Variants in EPHA6 observed in about 807,000 individuals in gnomAD.
The protein encoded by EPHA6 is ephrin type-A receptor 6.
In EPHA6, 50 loss-of-function variants were observed where a neutral mutation model predicts 112.0. The observed-to-expected ratio is 0.45, with a 90% CI of 0.36 to 0.56. The LOEUF is 0.56. Among genes scored for constraint, EPHA6 ranks in the 20% least tolerant of loss-of-function variants. EPHA6 has a pLI of 0.00. For missense variants in EPHA6, 1,280 were observed against 1,417.4 expected, an observed-to-expected ratio of 0.90 and a Z score of 1.56; for synonymous variants, 529 against 490.7, an observed-to-expected ratio of 1.08 and a Z score of -1.03.
chr3:97,386,633 G>A (rs2109041765), intron 5 of EPHA6, among the ~76,000 whole-genome samples: 1 of 152,256 alleles, frequency 6.6e-6, no homozygotes, highest in African/African-American at 2.4e-5. Context: ...AGCTTTTCCA[G>A]GCACACAGTA....
At chr3:96,912,186 A>G (rs1488756853) in intron 2 of EPHA6, among the ~76,000 whole-genome samples, 1 of 152,138 alleles carries the variant, frequency 6.6e-6, no homozygotes, top group Non-Finnish European at 1.5e-5. Context: ...TTATTTATTG[A>G]CCAATTGAAT....
chr3:97,600,079 G>A (rs1234459464), intron 12 of EPHA6, among the ~76,000 whole-genome samples: 21 of 149,590 alleles, frequency 1.4e-4, no homozygotes, highest in African/African-American at 5.1e-4. Flanking sequence ...TCTGTTGTTG[G>A]TGTATAAGAA....
chr3:96,909,670 A>C (rs1335938500), intron 2 of EPHA6, among the ~76,000 whole-genome samples: 1 of 152,044 alleles, frequency 6.6e-6, no homozygotes, highest in Non-Finnish European at 1.5e-5. Flanking sequence ...GATATTCAAA[A>C]TAGTACATCT....
At chr3:97,298,410 A>G (rs1398299269) in intron 5 of EPHA6, among the ~76,000 whole-genome samples, 1 of 152,220 alleles carries the variant, frequency 6.6e-6, no homozygotes, top group Admixed American at 6.5e-5. Context: ...AAGGAATCAT[A>G]GCATTTCGTT....
At chr3:97,181,196 C>A (rs1018365755) in intron 3 of EPHA6, among the ~76,000 whole-genome samples, 1 of 152,072 alleles carries the variant, frequency 6.6e-6, no homozygotes, top group Admixed American at 6.6e-5. Flanking sequence ...TCCTTTCTCC[C>A]CCAGTGTCCA....
intron 11 of EPHA6, among the ~76,000 whole-genome samples, chr3:97,543,659 G>T (rs2092901946): frequency 6.6e-6 from 1 of 151,994 alleles, no homozygotes; most frequent in Non-Finnish European, 1.5e-5. Context: ...GATGGGGATG[G>T]CATTGAATCT....
chr3:96,908,376 A>G (rs1216069630), intron 2 of EPHA6, among the ~76,000 whole-genome samples: 2 of 151,988 alleles, frequency 1.3e-5, no homozygotes, highest in Admixed American at 6.6e-5. Flanking sequence ...AAAATGTTTT[A>G]TATATTTTAC....
intron 3 of EPHA6, among the ~76,000 whole-genome samples, chr3:96,990,006 T>G (rs963501200): frequency 2.0e-5 from 3 of 152,174 alleles, no homozygotes; most frequent in Admixed American, 1.3e-4. Context: ...TGTAGTGTTT[T>G]TGGTACAGAC....
chr3:97,662,459 A>G (rs548972142), intron 14 of EPHA6, among the ~76,000 whole-genome samples: 2 of 152,146 alleles, frequency 1.3e-5, no homozygotes, highest in East Asian at 1.9e-4. Context: ...TGCAGTAAGG[A>G]CCTCTCACCT....
At chr3:97,237,011 T>A (rs1451149653) in intron 4 of EPHA6, among the ~76,000 whole-genome samples, 1 of 151,890 alleles carries the variant, frequency 6.6e-6, no homozygotes, top group African/African-American at 2.4e-5. Context: ...TAAATGTAAG[T>A]TTTGCATAAA....
intron 2 of EPHA6, among the ~76,000 whole-genome samples, chr3:96,973,429 G>T (rs995693093): frequency 6.6e-6 from 1 of 152,026 alleles, no homozygotes; most frequent in Non-Finnish European, 1.5e-5. Context: ...CGTAAGTTTG[G>T]TAATTGTAGC....
chr3:97,533,000 T>G (rs2092712774), intron 11 of EPHA6, among the ~76,000 whole-genome samples: 1 of 151,952 alleles, frequency 6.6e-6, no homozygotes, highest in African/African-American at 2.4e-5. Flanking sequence ...AGGAGTAAAT[T>G]ATTATAATTT....
At chr3:97,170,428 G>A (rs891781458) in intron 3 of EPHA6, among the ~76,000 whole-genome samples, 4 of 152,100 alleles carry the variant, frequency 2.6e-5, no homozygotes, top group African/African-American at 9.7e-5. Context: ...TTTAAGGCTT[G>A]TGCTGAAAAG....
intron 3 of EPHA6, among the ~76,000 whole-genome samples, chr3:97,202,640 A>G (rs1222739586): frequency 6.6e-6 from 1 of 152,024 alleles, no homozygotes; most frequent in Non-Finnish European, 1.5e-5. Context: ...GGCCAGATAT[A>G]TGTCTTCTTT....
Position 97,540,948 on chromosome 3 carries a change from C to T in EPHA6, c.2386+8405C>T, listed in dbSNP as rs1217740627. Among the ~76,000 whole-genome samples, 3 of 152,058 alleles carry T rather than the reference C, an allele frequency of 2.0e-5. No homozygotes were observed. The East Asian group carries it at 5.8e-4, about 29-fold the overall frequency. ...TAAACCCATATTACAGGCATGAATT[C>T]GCATCCAGGAATTCAGGAGAGTAAG... is the stretch of plus-strand genomic sequence containing the variant. On this transcript the variant is annotated intron_variant, in intron 11 of 17. Transcript: ENST00000389672.
intron 1 of EPHA6, among the ~76,000 whole-genome samples, chr3:96,861,162 A>T (rs1273904431): frequency 1.3e-5 from 2 of 152,068 alleles, no homozygotes; most frequent in Non-Finnish European, 2.9e-5. Flanking sequence ...AAGGATCTGG[A>T]GGTTCTTGGA....
chr3:97,023,601 A>G (rs1320282123), intron 3 of EPHA6, among the ~76,000 whole-genome samples: 1 of 152,054 alleles, frequency 6.6e-6, no homozygotes, highest in Non-Finnish European at 1.5e-5. Context: ...AATATCTATT[A>G]TCAGGGAAAA....
chr3:97,693,967 G>T (rs1034950425), intron 14 of EPHA6, among the ~76,000 whole-genome samples: 1 of 151,874 alleles, frequency 6.6e-6, no homozygotes, highest in African/African-American at 2.4e-5. Context: ...ACATTGATTC[G>T]CATGAAGCTC....
intron 3 of EPHA6, chr3:97,009,859 C>T (rs2044018196): frequency 2.6e-6 from 1 of 387,694 alleles, no homozygotes; most frequent in South Asian, 1.9e-5. Flanking sequence ...CCTTGTGGCT[C>T]TCAGGTAGGC....
Sources: allele counts gnomAD v4.1 joint callset (sites outside exome capture counted in the v4.1 genomes callset), GRCh38; gene constraint gnomAD v4.1.1; transcripts MANE v1.5; gene names NCBI Gene and HGNC (gene_info 2026-07-23, HGNC 2026-07-21).